The following GCH1 variants were observed in gnomAD, a reference collection of about 807,000 sequenced individuals.
GCH1 encodes the protein GTP cyclohydrolase I.
In GCH1, 5 loss-of-function variants were observed where a neutral mutation model predicts 25.9. That is an observed-to-expected ratio of 0.19 (90% CI 0.10 to 0.41). The LOEUF (loss-of-function observed/expected upper bound fraction) is 0.41, where lower values mean the gene tolerates loss of function less well. Ranked by LOEUF, GCH1 falls within the 10% of genes least tolerant of loss-of-function variation. The pLI, the probability that GCH1 is intolerant of heterozygous loss-of-function variation, is 1.00. For synonymous variants in GCH1, 159 were observed against 129.6 expected, an observed-to-expected ratio of 1.23 and a Z score of -1.54; for missense variants, 261 against 336.5, an observed-to-expected ratio of 0.78 and a Z score of 1.75.
rs759940280 is a variant in GCH1 at position 54,884,772 on chromosome 14, A to AAAC, written c.343+17546_343+17548dup. The AAAC allele has an allele frequency of 2.3e-3, 335 of 145,640 alleles. 3 individuals are homozygous for AAAC. Among genetic ancestry groups the AAAC allele is most frequent in the Middle Eastern group, 0.017 (5 of 296 alleles). The allele number at this position is 145,640 out of a possible 1,614,324, so 9.0% of individuals were successfully genotyped here. On this transcript the variant is annotated intron_variant, in intron 1 of 5. Transcript: ENST00000491895. The stretch of plus-strand genomic sequence containing the variant: ...GCAACAAGAGTGAAACTCTGTCTCA[A>AAAC]AACAACAACAACAACAACAACAACA...
chr14:54,882,111 C>T (rs1466950381), intron 1 of GCH1, among the ~76,000 whole-genome samples: 6 of 152,224 alleles, frequency 3.9e-5, no homozygotes, highest in Admixed American at 1.3e-4. Flanking sequence ...AATCCCTCCA[C>T]CCTGATGCAA....
Position 54,872,372 on chromosome 14 carries a change from G to A in GCH1, c.344-6936C>T, listed in dbSNP as rs753502847. Among the ~76,000 whole-genome samples the A allele has an allele frequency of 3.7e-3, 564 of 152,114 alleles. 1 individual carries two copies. The highest frequency in any genetic ancestry group is 7.0e-3 in the Admixed American group (107 of 15,278). On this transcript the variant is annotated intron_variant, in intron 1 of 5. Coordinates refer to ENST00000491895, the MANE Select transcript of GCH1 (RefSeq NM_000161.3). ...GCACTAAACATGGAAAGGAACAACC[G>A]GTACCAGCCACTGAAAAAACATGCC... is the stretch of plus-strand genomic sequence containing the variant.
intron 1 of GCH1, among the ~76,000 whole-genome samples, chr14:54,879,759 G>A (rs539979544): frequency 2.2e-4 from 33 of 152,038 alleles, no homozygotes; most frequent in Admixed American, 3.3e-4. Flanking sequence ...CAGCACGTTC[G>A]GAGGCCGATG....
At chr14:54,866,295 C>A (rs1215383331) in intron 1 of GCH1, among the ~76,000 whole-genome samples, 1 of 151,942 alleles carries the variant, frequency 6.6e-6, no homozygotes, top group Non-Finnish European at 1.5e-5. Context: ...AAGCCACATT[C>A]CCCACCAATC....
intron 3 of GCH1, 23 bp from the exon 4 acceptor site, chr14:54,847,153 A>G: frequency 1.1e-6 from 1 of 923,720 alleles, no homozygotes; most frequent in Non-Finnish European, 1.7e-6. Flanking sequence ...GAATTGTTTT[A>G]GTTAATCACA....
intron 3 of GCH1, among the ~76,000 whole-genome samples, chr14:54,858,379 G>A (rs987841006): frequency 2.0e-5 from 3 of 152,008 alleles, no homozygotes; most frequent in South Asian, 2.1e-4. Context: ...TCTGCCTCCC[G>A]GGTTCAAGTA....
chr14:54,843,151 C>T lies in GCH1; in HGVS notation c.*866G>A, dbSNP rs1413856081. On this transcript the variant is annotated 3_prime_UTR_variant, in exon 6 of 6. Transcript: ENST00000491895. ...AAGAAGAAGAAACATTTTGAGGCAT[C>T]TACATGGATCACACAAAGGAAACTC... The T allele has an allele frequency of 5.8e-5, 88 of 1,516,710 alleles. No homozygotes were observed. The highest frequency in any genetic ancestry group is 7.5e-5 in the Non-Finnish European group (85 of 1,128,452). 94.0% of individuals were successfully genotyped at this position (1,516,710 alleles called of 1,614,324 possible). A position where few individuals can be genotyped will look rare whatever the true frequency, so the allele number is the denominator to read the frequency against.
chr14:54,892,229 TTC>T (rs1221425090), intron 1 of GCH1, among the ~76,000 whole-genome samples: 1 of 152,192 alleles, frequency 6.6e-6, no homozygotes, highest in Non-Finnish European at 1.5e-5. Flanking sequence ...CAGAAATTTA[TTC>T]TGAATGATGG....
intron 5 of GCH1, among the ~76,000 whole-genome samples, chr14:54,845,460 A>G (rs1288431040): frequency 6.6e-6 from 1 of 150,962 alleles, no homozygotes; most frequent in African/African-American, 2.5e-5. Flanking sequence ...CCTGGGCGAC[A>G]GAGTGAGGCT....
chr14:54,887,194 G>A (rs1026721336), intron 1 of GCH1, among the ~76,000 whole-genome samples: 8 of 152,136 alleles, frequency 5.3e-5, no homozygotes, highest in Non-Finnish European at 1.0e-4. Flanking sequence ...TTTTAAAAAG[G>A]AACTTCTCTA....
At chr14:54,858,045 T>C (rs1441974613) in intron 3 of GCH1, among the ~76,000 whole-genome samples, 1 of 152,214 alleles carries the variant, frequency 6.6e-6, no homozygotes, top group Non-Finnish European at 1.5e-5. Context: ...ACTTTCTTAT[T>C]GATCCCCAGA....
intron 1 of GCH1, among the ~76,000 whole-genome samples, chr14:54,902,024 C>G (rs2140126476): frequency 6.6e-6 from 1 of 152,282 alleles, no homozygotes; most frequent in East Asian, 1.9e-4. Flanking sequence ...TCCGGGCTCC[C>G]GTCCACGCCC....
In GCH1 at chr14:54,902,723, T is replaced by C; in HGVS notation, c.-60A>G. On this transcript the variant is annotated 5_prime_UTR_variant, in exon 1 of 6. Coordinates refer to ENST00000491895, the MANE Select transcript of GCH1 (RefSeq NM_000161.3). ...CCCGGGGCGCTTCGAGGTCTGCGGCTAAACTCCGCCGGTGGCCGCGGACAA... is the reference window on the plus strand; with the variant it reads ...CCCGGGGCGCTTCGAGGTCTGCGGCCAAACTCCGCCGGTGGCCGCGGACAA... The C allele has an allele frequency of 1.4e-6, 2 of 1,395,000 alleles. No homozygotes were observed. The highest frequency in any genetic ancestry group is 1.9e-6 in the Non-Finnish European group (2 of 1,079,496). 86.4% of individuals were successfully genotyped at this position (1,395,000 alleles called of 1,614,324 possible). A position where few individuals can be genotyped will look rare whatever the true frequency, so the allele number is the denominator to read the frequency against.
At chr14:54,857,727 A>C (rs901061551) in intron 3 of GCH1, among the ~76,000 whole-genome samples, 1 of 152,228 alleles carries the variant, frequency 6.6e-6, no homozygotes, top group Non-Finnish European at 1.5e-5. Context: ...AAATTGGTTT[A>C]ATACATCATT....
intron 3 of GCH1, among the ~76,000 whole-genome samples, chr14:54,853,308 AG>A (rs2039762379): frequency 6.6e-6 from 1 of 152,168 alleles, no homozygotes. Flanking sequence ...GATTTTTTGA[AG>A]GCCACACAGG....
chr14:54,901,008 A>G (rs1023124312), intron 1 of GCH1, among the ~76,000 whole-genome samples: 1 of 152,168 alleles, frequency 6.6e-6, no homozygotes, highest in African/African-American at 2.4e-5. Flanking sequence ...GAGGGGTAAA[A>G]AAAAGTGAAT....
intron 1 of GCH1, among the ~76,000 whole-genome samples, chr14:54,893,160 C>T (rs77285555): frequency 0.014 from 2,092 of 152,310 alleles, 38 homozygotes; most frequent in South Asian, 0.043. Flanking sequence ...TTGAGTATAA[C>T]AGATTTAACT....
At chr14:54,845,610 G>T (rs947520329) in intron 5 of GCH1, among the ~76,000 whole-genome samples, 158 bp downstream of exon 5, 2 of 152,164 alleles carry the variant, frequency 1.3e-5, no homozygotes, top group African/African-American at 4.8e-5. Context: ...AACAGTAAAT[G>T]AAAGTGGTAA....
intron 3 of GCH1, among the ~76,000 whole-genome samples, chr14:54,851,059 G>C (rs879774623): frequency 5.3e-5 from 8 of 152,168 alleles, no homozygotes; most frequent in Non-Finnish European, 1.2e-4. Context: ...GAACAGAACA[G>C]AGCCCTCAGA....
Sources: gnomAD v4.1 joint callset for allele counts (sites outside exome capture counted in the v4.1 genomes callset) on GRCh38, gnomAD v4.1.1 for gene constraint, MANE v1.5 for transcripts, NCBI Gene and HGNC (gene_info 2026-07-23, HGNC 2026-07-21) for gene names.